The following NEK11 variants were observed in gnomAD, a reference collection of about 807,000 sequenced individuals.
NEK11 encodes serine/threonine-protein kinase Nek11.
In NEK11, 72 loss-of-function variants were observed where a neutral mutation model predicts 80.7. The ratio of observed to expected loss-of-function variants is 0.89; its 90% CI spans 0.74 to 1.08. The LOEUF is 1.08. Ranked by LOEUF, NEK11 falls within the 50% of genes least tolerant of loss-of-function variation. NEK11 has a pLI of 0.00. For synonymous variants in NEK11, 251 were observed against 260.7 expected (o/e 0.96, Z 0.36); for missense variants, 764 against 763.6 (o/e 1.00, Z -0.01).
At chr3:131,294,351 T>A (rs1206738878) in intron 17 of NEK11, among the ~76,000 whole-genome samples, 1 of 152,142 alleles carries the variant, frequency 6.6e-6, no homozygotes, top group Non-Finnish European at 1.5e-5. Context: ...TGTTGTTTAA[T>A]CTCCATGTGT....
intron 12 of NEK11, among the ~76,000 whole-genome samples, chr3:131,168,350 T>A (rs1182578883): frequency 4.1e-4 from 60 of 146,854 alleles, no homozygotes; most frequent in African/African-American, 1.2e-3. Context: ...TTTTTTTTTT[T>A]ATTTTTATTT....
intron 16 of NEK11, among the ~76,000 whole-genome samples, chr3:131,269,553 C>A (rs534073168): frequency 4.6e-5 from 7 of 152,316 alleles, no homozygotes; most frequent in Admixed American, 2.6e-4. Context: ...CCTCTGTGGG[C>A]TGCACCCATT....
At chr3:131,186,047 G>A (rs2093587615) in intron 14 of NEK11, among the ~76,000 whole-genome samples, 1 of 152,120 alleles carries the variant, frequency 6.6e-6, no homozygotes, top group Non-Finnish European at 1.5e-5. Flanking sequence ...AGCACAGCAC[G>A]TGAAACAGAA....
chr3:131,124,210 C>T (rs139866414), intron 5 of NEK11, among the ~76,000 whole-genome samples: 29 of 152,292 alleles, frequency 1.9e-4, no homozygotes, highest in African/African-American at 6.7e-4. Context: ...CAGCAGACTT[C>T]CCTTGTGTCT....
chr3:131,307,245 G>T (rs1017524185), intron 17 of NEK11, among the ~76,000 whole-genome samples: 1 of 152,178 alleles, frequency 6.6e-6, no homozygotes, highest in Non-Finnish European at 1.5e-5. Flanking sequence ...CAATAAACAA[G>T]TGTTAACTCT....
chr3:131,320,255 T>A (rs1461874182), intron 17 of NEK11, among the ~76,000 whole-genome samples: 2 of 152,114 alleles, frequency 1.3e-5, no homozygotes, highest in East Asian at 3.9e-4. Context: ...TAGAATGTAG[T>A]AGTACCCAAA....
chr3:131,196,846 C>CT (rs112705042), intron 14 of NEK11, among the ~76,000 whole-genome samples: 2,625 of 138,086 alleles, frequency 0.019, 59 homozygotes, highest in African/African-American at 0.056. Flanking sequence ...CTTTTCTTTT[C>CT]TTTTTTTTTT....
chr3:131,121,521 A>G (rs2082371874), intron 5 of NEK11, among the ~76,000 whole-genome samples: 1 of 152,210 alleles, frequency 6.6e-6, no homozygotes, highest in Admixed American at 6.5e-5. Flanking sequence ...GCTATCAGAC[A>G]GGGACGTTTA....
At chr3:131,147,921 T>A (rs1368304547) in intron 7 of NEK11, among the ~76,000 whole-genome samples, 2 of 151,976 alleles carry the variant, frequency 1.3e-5, no homozygotes, top group Non-Finnish European at 2.9e-5. Flanking sequence ...TAGGCATTCT[T>A]ATTTTGTTCC....
At chr3:131,265,938 C>A (rs1381621343) in intron 16 of NEK11, among the ~76,000 whole-genome samples, 1 of 152,086 alleles carries the variant, frequency 6.6e-6, no homozygotes, top group African/African-American at 2.4e-5. Flanking sequence ...CTGATTTAGA[C>A]TTGGGAGGGT....
chr3:131,234,868 G>C (rs1392496361), intron 15 of NEK11, among the ~76,000 whole-genome samples: 1 of 151,546 alleles, frequency 6.6e-6, no homozygotes, highest in African/African-American at 2.4e-5. Context: ...GGTTCAGGGG[G>C]TACATGCGTG....
intron 4 of NEK11, among the ~76,000 whole-genome samples, chr3:131,086,407 C>T (rs962943236): frequency 2.6e-5 from 4 of 152,200 alleles, no homozygotes; most frequent in African/African-American, 9.7e-5. Context: ...GGAAGAGCTG[C>T]TGCTTCTCCT....
At chr3:131,148,662 G>T (rs558116320) in intron 7 of NEK11, among the ~76,000 whole-genome samples, 91 of 151,428 alleles carry the variant, frequency 6.0e-4, no homozygotes, top group African/African-American at 2.0e-3. Flanking sequence ...GAGGGTCAGG[G>T]GATACTTCTG....
intron 5 of NEK11, among the ~76,000 whole-genome samples, chr3:131,126,761 G>A (rs937801557): frequency 2.0e-5 from 3 of 151,924 alleles, no homozygotes; most frequent in East Asian, 1.9e-4. Flanking sequence ...AAAATACCTC[G>A]TCATTCTCTC....
chr3:131,346,256 A>AT (rs2097362164), intron 17 of NEK11, among the ~76,000 whole-genome samples: 1 of 152,352 alleles, frequency 6.6e-6, no homozygotes, highest in African/African-American at 2.4e-5. Flanking sequence ...TATAGTAACC[A>AT]TTTTATTATC....
intron 16 of NEK11, among the ~76,000 whole-genome samples, chr3:131,256,046 G>A (rs990934761): frequency 5.9e-5 from 9 of 152,262 alleles, no homozygotes; most frequent in East Asian, 1.9e-4. Flanking sequence ...TGTCTCCAAA[G>A]GCTGGGAAGG....
At chr3:131,223,722 T>A (rs2095102309) in intron 14 of NEK11, among the ~76,000 whole-genome samples, 1 of 152,114 alleles carries the variant, frequency 6.6e-6, no homozygotes, top group Non-Finnish European at 1.5e-5. Flanking sequence ...TCAACCCCCC[T>A]TGCAGAGGTT....
chr3:131,298,139 T>G (rs1156423961), intron 17 of NEK11, among the ~76,000 whole-genome samples: 1 of 152,074 alleles, frequency 6.6e-6, no homozygotes, highest in East Asian at 1.9e-4. Flanking sequence ...ATTGACTTGG[T>G]GATGCGGGCT....
intron 17 of NEK11, among the ~76,000 whole-genome samples, chr3:131,343,597 C>T (rs1040138325): frequency 1.3e-5 from 2 of 152,200 alleles, no homozygotes; most frequent in African/African-American, 4.8e-5. Flanking sequence ...TGTCTGAACA[C>T]CAGGCTTTTG....
Sources: gnomAD v4.1 joint callset for allele counts (sites outside exome capture counted in the v4.1 genomes callset) on GRCh38, gnomAD v4.1.1 for gene constraint, MANE v1.5 for transcripts, NCBI Gene and HGNC (gene_info 2026-07-23, HGNC 2026-07-21) for gene names.